The following ILDR2 variants were observed in gnomAD, a reference collection of about 807,000 sequenced individuals.
ILDR2 encodes the protein immunoglobulin-like domain-containing receptor 2.
ILDR2 carries 25 observed loss-of-function variants against 66.8 expected under a neutral mutation model. The ratio of observed to expected loss-of-function variants is 0.37; its 90% CI spans 0.27 to 0.52. The LOEUF (loss-of-function observed/expected upper bound fraction) is 0.52, where lower values mean the gene tolerates loss of function less well. Among genes scored for constraint, ILDR2 ranks in the 20% least tolerant of loss-of-function variants. The pLI is 0.88. For synonymous variants in ILDR2, 367 were observed against 357.2 expected (o/e 1.03, Z -0.31); for missense variants, 827 against 876.8 (o/e 0.94, Z 0.72).
At chr1:166,937,914 G>T (rs1661080697) in intron 4 of ILDR2, among the ~76,000 whole-genome samples, 1 of 152,110 alleles carries the variant, frequency 6.6e-6, no homozygotes, top group South Asian at 2.1e-4. Context: ...GACATTCCTG[G>T]GAGCTTGAGA....
In ILDR2 at chr1:166,915,416, C is replaced by G. The variant is rs1659605386; in HGVS notation, c.*3939G>C. On this transcript the variant is annotated 3_prime_UTR_variant, in exon 10 of 10. Transcript: ENST00000271417. ...TCCAAATGCATCTGATCACAGGAGT[C>G]TCCTGGAATGCATATTAAAAATATG... The G allele has an allele frequency of 1.3e-5, 2 of 152,174 alleles. No individual in the cohort carries two copies. Among genetic ancestry groups the G allele is most frequent in the African/African-American group, 4.8e-5 (2 of 41,442 alleles). 9.4% of individuals were successfully genotyped at this position (152,174 alleles called of 1,614,324 possible). A position where few individuals can be genotyped will look rare whatever the true frequency, so the allele number is the denominator to read the frequency against.
intron 6 of ILDR2, chr1:166,933,488 T>C: frequency 1.1e-6 from 1 of 916,830 alleles, no homozygotes; most frequent in Non-Finnish European, 1.3e-6. Flanking sequence ...ACCCTGGAAC[T>C]ACCTTACCTT....
rs1297663785 is a variant in ILDR2 at position 166,912,677 on chromosome 1, C to T, written c.*6678G>A. 1 of 152,152 alleles carries T rather than the reference C, an allele frequency of 6.6e-6. No homozygotes were observed. The highest frequency in any genetic ancestry group is 6.5e-5 in the Admixed American group (1 of 15,286). 9.4% of individuals were successfully genotyped at this position (152,152 alleles called of 1,614,324 possible). ...CAAGGCCACTAAAATCTGGAATTCC[C>T]TTGAGAGGGCTTAGCCATCCAAAAC... On this transcript the variant is annotated 3_prime_UTR_variant, in exon 10 of 10. Transcript: ENST00000271417.
intron 2 of ILDR2, among the ~76,000 whole-genome samples, 167 bp downstream of exon 2, chr1:166,957,602 C>T (rs1340718567): frequency 6.6e-6 from 1 of 152,072 alleles, no homozygotes; most frequent in Non-Finnish European, 1.5e-5. Flanking sequence ...CTCACCATCC[C>T]GTTAGGGCAA....
At chr1:166,972,231 G>A (rs981583279) in intron 1 of ILDR2, among the ~76,000 whole-genome samples, 2 of 151,410 alleles carry the variant, frequency 1.3e-5, no homozygotes, top group African/African-American at 2.4e-5. Flanking sequence ...AAAAAGAAAA[G>A]AAAAAGAAAT....
chr1:166,901,181 T>A (rs1659258690), intron 2 of ILDR2, among the ~76,000 whole-genome samples: 1 of 152,202 alleles, frequency 6.6e-6, no homozygotes, highest in Admixed American at 6.5e-5. Context: ...ACAAACTAAT[T>A]GAGCATGCCT....
rs898457229 is a variant in ILDR2, at chr1:166,911,211, G to A, written c.*8144C>T. The A allele has an allele frequency of 1.3e-5, 2 of 152,218 alleles. No homozygotes were observed. Among genetic ancestry groups the A allele is most frequent in the African/African-American group, 4.8e-5 (2 of 41,456 alleles). The allele number at this position is 152,218 out of a possible 1,614,324, so 9.4% of individuals were successfully genotyped here. ...TATATTATCAAACTCTAAAGAATAT[G>A]TAAAGTTAAAGCCTCTTGCCCTCCC... is the stretch of plus-strand genomic sequence containing the variant. On this transcript the variant is annotated 3_prime_UTR_variant, in exon 10 of 10. Transcript: ENST00000271417.
chr1:166,898,824 C>A (rs1659213525), intron 2 of ILDR2, among the ~76,000 whole-genome samples: 1 of 151,762 alleles, frequency 6.6e-6, no homozygotes. Flanking sequence ...CTTTGGGAGG[C>A]CAAAGTGGTA....
intron 1 of ILDR2, among the ~76,000 whole-genome samples, chr1:166,969,805 C>G (rs1051145095): frequency 6.6e-6 from 1 of 152,154 alleles, no homozygotes; most frequent in African/African-American, 2.4e-5. Flanking sequence ...TCAGGCACTT[C>G]AAATAACCAA....
chr1:166,896,393 C>T (rs1429365103), intron 2 of ILDR2, among the ~76,000 whole-genome samples: 2 of 151,940 alleles, frequency 1.3e-5, no homozygotes, highest in Non-Finnish European at 1.5e-5. Flanking sequence ...GAGTTGGATG[C>T]CACAAGCTGG....
chr1:166,942,108 A>G (rs1661344005), intron 3 of ILDR2, among the ~76,000 whole-genome samples: 1 of 152,256 alleles, frequency 6.6e-6, no homozygotes, highest in Admixed American at 6.5e-5. Context: ...GGAGTAGTCT[A>G]CAAACAGAAA....
In ILDR2 at chr1:166,916,326, T is replaced by C. The variant is rs1291568935; in HGVS notation, c.*3029A>G. ...ACACTTTAATATCAAAGTATTCTCATTTTTTAAAAAAACTAAATCTCTGGT... is the reference window on the plus strand; with the variant it reads ...ACACTTTAATATCAAAGTATTCTCACTTTTTAAAAAAACTAAATCTCTGGT... On this transcript the variant is annotated 3_prime_UTR_variant, in exon 10 of 10. Transcript: ENST00000271417. 1.3e-5 allele frequency: 2 copies of C among 152,234 alleles called. No individual in the cohort carries two copies. Among genetic ancestry groups the C allele is most frequent in the East Asian group, 3.8e-4 (2 of 5,208 alleles). The allele number at this position is 152,234 out of a possible 1,614,324, so 9.4% of individuals were successfully genotyped here. A position where few individuals can be genotyped will look rare whatever the true frequency, so the allele number is the denominator to read the frequency against.
In ILDR2 at chr1:166,922,766, GTCC is replaced by G. The variant is rs1169795309; in HGVS notation, c.1035_1037del (p.Glu345del). The G allele has an allele frequency of 6.2e-6, 10 of 1,614,126 alleles. No homozygotes were observed. Among genetic ancestry groups the G allele is most frequent in the East Asian group, 2.2e-5 (1 of 44,906 alleles). ...GATGGAAAGACTGGCGGAAATTGCT[GTCC>G]TCCTCATGTAGGGAGCTGAGTTCTG... On this transcript the variant is annotated inframe_deletion, in exon 8 of 10. Transcript: ENST00000271417.
chr1:166,921,168 C>T lies in ILDR2; in HGVS notation c.1423G>A (p.Glu475Lys). The T allele has an allele frequency of 6.4e-7, 1 of 1,552,150 alleles. No homozygotes were observed. Among genetic ancestry groups the T allele is most frequent in the Admixed American group, 1.9e-5 (1 of 52,602 alleles). The change falls in exon 9 of 10, where the codon GAG becomes AAG. Residue 475 changes from glutamate (E) to lysine (K), a missense_variant. Around this residue, in one of 2 missense-constraint regions of ILDR2, gnomAD observed 390 missense variants for 353.6 expected, o/e 1.10. Transcript: ENST00000271417. This position sits in a 1 kb window ranked among gnomAD's most constrained non-coding sequence, Gnocchi z 5.3. ...HSGFYQDDSL[E>K]EYYGQRSRSR... ...CGGCTGCGCTGACCGTAGTACTCCT[C>T]CAAGGAGTCGTCCTGGTAGAAGCCG...
chr1:166,899,326 G>A (rs1450580795), intron 2 of ILDR2, among the ~76,000 whole-genome samples: 2 of 150,968 alleles, frequency 1.3e-5, no homozygotes, highest in Non-Finnish European at 2.9e-5. Flanking sequence ...CTGGGAGGCA[G>A]AGGTTGCAAT....
chr1:166,945,453 C>T (rs922972046), intron 3 of ILDR2, among the ~76,000 whole-genome samples: 13 of 152,208 alleles, frequency 8.5e-5, no homozygotes, highest in Non-Finnish European at 1.6e-4. Context: ...CCTATCTTAC[C>T]TATAAAATTC....
intron 7 of ILDR2, 62 bp from the exon 8 acceptor site, chr1:166,922,871 G>C: frequency 7.0e-7 from 1 of 1,422,816 alleles, no homozygotes; most frequent in Admixed American, 1.7e-5. Context: ...GACAGGAAGA[G>C]AATCCTGTTA....
rs755227933 is a variant in ILDR2 at position 166,936,712 on chromosome 1, G to A, written c.582C>T (p.Leu194=). ...GGACGAAGAAGAGGAAGACGCCCAG[G>A]AGCACCAGGCCAACAAACACCCACT... is the stretch of plus-strand genomic sequence containing the variant. ...MPEWVFVGLV[L]LGVFLFFVLV... is the part of the protein sequence containing the mutation. The change falls in exon 5 of 10, where the codon CTC becomes CTT. Residue 194 remains leucine (L), a synonymous_variant. Coordinates refer to ENST00000271417, the MANE Select transcript of ILDR2 (RefSeq NM_199351.3). This position sits in a 1 kb window ranked among gnomAD's most constrained non-coding sequence, Gnocchi z 5.0. The A allele has an allele frequency of 1.9e-6, 3 of 1,613,996 alleles. No homozygotes were observed. The highest frequency in any genetic ancestry group is 1.3e-5 in the African/African-American group (1 of 74,892).
In ILDR2 at chr1:166,920,780, G is replaced by T; in HGVS notation, c.1811C>A (p.Ser604Tyr). 6.6e-7 allele frequency: 1 copy of T among 1,520,616 alleles called. No homozygotes were observed. The highest frequency in any genetic ancestry group is 2.7e-5 in the East Asian group (1 of 37,544). 94.2% of individuals were successfully genotyped at this position (1,520,616 alleles called of 1,614,324 possible). Reference protein sequence around the residue: ...YSELELTRGPSYRGRDLPYHS... With the variant: ...YSELELTRGPYYRGRDLPYHS... Reference sequence around the variant, plus strand: ...GTAGGGCAGGTCGCGGCCGCGGTAGGACGGGCCGCGGGTCAGCTCCAGCTC... The same window carrying T: ...GTAGGGCAGGTCGCGGCCGCGGTAGTACGGGCCGCGGGTCAGCTCCAGCTC... The change falls in exon 9 of 10, where the codon TCC (serine) becomes TAC (tyrosine). Residue 604 changes from serine to tyrosine, a missense_variant. Physicochemically the swap from Ser to Tyr is moderately radical, Grantham distance 144 (BLOSUM62 -2). Around this residue, in one of 2 missense-constraint regions of ILDR2, gnomAD observed 390 missense variants for 353.6 expected, o/e 1.10. Transcript: ENST00000271417.
Sources: gnomAD v4.1 joint callset for allele counts (sites outside exome capture counted in the v4.1 genomes callset) on GRCh38, gnomAD v4.1.1 for gene constraint, gnomAD v4.1.1 regional missense constraint, Gnocchi (gnomAD v3.1) non-coding constraint, MANE v1.5 for transcripts, NCBI Gene and HGNC (gene_info 2026-07-23, HGNC 2026-07-21) for gene names.